The following KIF18B variants were observed in gnomAD, a reference collection of about 807,000 sequenced individuals.
The protein encoded by KIF18B is kinesin-like protein KIF18B.
In KIF18B, 49 loss-of-function variants were observed where a neutral mutation model predicts 80.9. The ratio of observed to expected loss-of-function variants is 0.61; its 90% CI spans 0.48 to 0.77. The LOEUF (loss-of-function observed/expected upper bound fraction) is 0.77. KIF18B is among the 30% of genes least tolerant of loss of function. The probability of loss-of-function intolerance (pLI) is 0.00; values close to 1 mark genes in which losing one functional copy is unlikely to be tolerated. For missense variants in KIF18B, 994 were observed against 1,127.7 expected, an observed-to-expected ratio of 0.88 and a Z score of 1.70; for synonymous variants, 439 against 463.9, an observed-to-expected ratio of 0.95 and a Z score of 0.69.
intron 7 of KIF18B, 98 bp downstream of exon 7, chr17:44,933,825 C>G (rs1407009892): frequency 8.3e-7 from 1 of 1,198,318 alleles, no homozygotes; most frequent in Non-Finnish European, 1.1e-6. Context: ...CTTGGGGACA[C>G]TTGGCCCAGG....
intron 15 of KIF18B, 61 bp from the exon 16 acceptor site, chr17:44,926,247 C>T: frequency 6.2e-7 from 1 of 1,604,046 alleles, no homozygotes; most frequent in East Asian, 2.2e-5. Context: ...ACGCTCTGTC[C>T]CCGTCCTCCA....
intron 1 of KIF18B, among the ~76,000 whole-genome samples, chr17:44,936,869 C>G (rs1433643135): frequency 1.3e-5 from 2 of 151,138 alleles, no homozygotes; most frequent in Admixed American, 6.6e-5. Context: ...GTCTCGAACT[C>G]CTGACCTCAT....
chr17:44,939,379 A>C (rs1036350644), intron 1 of KIF18B, among the ~76,000 whole-genome samples: 4 of 150,194 alleles, frequency 2.7e-5, no homozygotes, highest in Non-Finnish European at 5.9e-5. Context: ...AAAAAAAAAA[A>C]AAAAAAAAAA....
chr17:44,932,993 T>C lies in KIF18B; in HGVS notation c.1063-7A>G, dbSNP rs750201921. ...TGGTCACATTGCTCTTCAGCTGAGA[T>C]GGGGAACAGGAGAGAGATTTATTTG... On this transcript the variant is annotated splice_polypyrimidine_tract_variant and splice_region_variant and intron_variant, in intron 7 of 15. Transcript: ENST00000593135. 1.9e-6 allele frequency: 3 copies of C among 1,603,686 alleles called. No homozygotes were observed. The highest frequency in any genetic ancestry group is 2.6e-6 in the Non-Finnish European group (3 of 1,172,006).
rs576337706 is a variant in KIF18B at position 44,925,012 on chromosome 17, C to T, written c.*1068G>A. On this transcript the variant is annotated 3_prime_UTR_variant, in exon 16 of 16. Transcript: ENST00000593135. ...GGGATGAAGATGTCCCTCTCAGAAA[C>T]CAGGAAGAGCCAAGCCGCGACTCCC... 6.6e-6 allele frequency: 1 copy of T among 152,202 alleles called. No individual in the cohort carries two copies. The highest frequency in any genetic ancestry group is 1.5e-5 in the Non-Finnish European group (1 of 68,020). 9.4% of individuals were successfully genotyped at this position (152,202 alleles called of 1,614,324 possible).
chr17:44,925,965 C>T lies in KIF18B; in HGVS notation c.*115G>A. ...CAAAGGTGTGTTGGCACTAATTGCT[C>T]CCAGGTAAGGAAGGCAGGTCCAGCT... On this transcript the variant is annotated 3_prime_UTR_variant, in exon 16 of 16. Transcript: ENST00000593135. The T allele has an allele frequency of 9.4e-7, 1 of 1,065,968 alleles. No homozygotes were observed. Among genetic ancestry groups the T allele is most frequent in the South Asian group, 1.3e-5 (1 of 75,502 alleles). 66.0% of individuals were successfully genotyped at this position (1,065,968 alleles called of 1,614,324 possible).
chr17:44,938,559 T>C (rs1458420138), intron 1 of KIF18B, among the ~76,000 whole-genome samples: 2 of 152,232 alleles, frequency 1.3e-5, no homozygotes, highest in Non-Finnish European at 2.9e-5. Flanking sequence ...CTATCTAATA[T>C]TTTTTCTTTC....
At chr17:44,937,529 C>A (rs2052333844) in intron 1 of KIF18B, among the ~76,000 whole-genome samples, 1 of 152,174 alleles carries the variant, frequency 6.6e-6, no homozygotes, top group South Asian at 2.1e-4. Flanking sequence ...GGATGGAACA[C>A]TTTTCCCCAT....
At position 44,936,364 on chromosome 17, in the gene KIF18B, T is replaced by G; in HGVS notation, c.-14-6A>C. The G allele has an allele frequency of 5.0e-6, 8 of 1,586,098 alleles. No individual in the cohort carries two copies. The highest frequency in any genetic ancestry group is 6.0e-6 in the Non-Finnish European group (7 of 1,167,964). ...TGCCATCACTGTGGTGACACCTGGGTGAGACATGGTGGAGCTGAGGACCAA... is the reference window on the plus strand; with the variant it reads ...TGCCATCACTGTGGTGACACCTGGGGGAGACATGGTGGAGCTGAGGACCAA... On this transcript the variant is annotated splice_polypyrimidine_tract_variant and splice_region_variant and intron_variant, in intron 1 of 15. Transcript: ENST00000593135.
chr17:44,931,660 G>A lies in KIF18B; in HGVS notation c.1459C>T (p.Pro487Ser). 6.2e-7 allele frequency: 1 copy of A among 1,614,006 alleles called. No homozygotes were observed. Among genetic ancestry groups the A allele is most frequent in the Non-Finnish European group, 8.5e-7 (1 of 1,179,904 alleles). Residue 487 changes from proline to serine, a missense_variant, in exon 11 of 16, where the codon CCC becomes TCC. Coordinates refer to ENST00000593135, the MANE Select transcript of KIF18B (RefSeq NM_001265577.2). ...LPESPRLTLQ[P>S]KPVVGHFSAR... ...GAGAAGTGGCCCACGACTGGCTTGG[G>A]CTGCAGGGTCAGGCGAGGGGACTCT...
intron 12 of KIF18B, 104 bp downstream of exon 12, chr17:44,928,715 G>A (rs2052084106): frequency 7.1e-7 from 1 of 1,408,706 alleles, no homozygotes; most frequent in African/African-American, 1.4e-5. Flanking sequence ...GCCTCCTACA[G>A]CAGCAAAACC....
At position 44,928,143 on chromosome 17, in the gene KIF18B, A is replaced by G. The variant is rs1159742652; in HGVS notation, c.2159T>C (p.Leu720Pro). The change falls in exon 13 of 16, where the codon CTC (leucine) becomes CCC (proline). Residue 720 changes from leucine (L) to proline (P), a missense_variant. Leu to Pro is a moderately conservative substitution (Grantham distance 98). Coordinates refer to ENST00000593135, the MANE Select transcript of KIF18B (RefSeq NM_001265577.2). Reference protein sequence around the residue: ...STPLALPTRDLNATFDLSEEP... With the variant: ...STPLALPTRDPNATFDLSEEP... ...CTCAGAGAGATCAAAGGTGGCATTG[A>G]GGTCTCGAGTGGGCAGAGCCAGCGG... The G allele has an allele frequency of 3.7e-6, 6 of 1,606,480 alleles. No homozygotes were observed. The highest frequency in any genetic ancestry group is 5.1e-6 in the Non-Finnish European group (6 of 1,176,390).
At chr17:44,943,807 G>A (rs966992883) in intron 1 of KIF18B, among the ~76,000 whole-genome samples, 8 of 151,962 alleles carry the variant, frequency 5.3e-5, no homozygotes, top group South Asian at 4.1e-4. Context: ...TCCTGGGCTC[G>A]AGCCATCTTC....
chr17:44,943,732 A>G (rs989853601), intron 1 of KIF18B, among the ~76,000 whole-genome samples: 1 of 151,962 alleles, frequency 6.6e-6, no homozygotes, highest in Non-Finnish European at 1.5e-5. Flanking sequence ...TTTTTAGACC[A>G]GGTCTCATGT....
At position 44,935,264 on chromosome 17, in the gene KIF18B, G is replaced by C; in HGVS notation, c.466C>G (p.Gln156Glu). 6.2e-7 allele frequency: 1 copy of C among 1,604,386 alleles called. No individual in the cohort carries two copies. The highest frequency in any genetic ancestry group is 8.5e-7 in the Non-Finnish European group (1 of 1,174,378). Residue 156 changes from glutamine to glutamate, a missense_variant, in exon 3 of 16, where the codon CAG (glutamine) becomes GAG (glutamate). Physicochemically the swap from Gln to Glu is conservative, Grantham distance 29. Coordinates refer to ENST00000593135, the MANE Select transcript of KIF18B (RefSeq NM_001265577.2). Reference sequence around the variant, plus strand: ...CCAGGGCAGGGGCAGCCGACCTCCTGGTAGCTGATGAGCACCTCGAAGTGC... The same window carrying C: ...CCAGGGCAGGGGCAGCCGACCTCCTCGTAGCTGATGAGCACCTCGAAGTGC... ...EKHFEVLISY[Q>E]EVYNEQIHDL... is the part of the protein sequence containing the mutation.
At position 44,925,047 on chromosome 17, in the gene KIF18B, A is replaced by G. The variant is rs1214817227; in HGVS notation, c.*1033T>C. The G allele has an allele frequency of 2.0e-5, 3 of 151,980 alleles. No individual in the cohort carries two copies. Among genetic ancestry groups the G allele is most frequent in the Non-Finnish European group, 2.9e-5 (2 of 68,018 alleles). The allele number at this position is 151,980 out of a possible 1,614,324, so 9.4% of individuals were successfully genotyped here. A position where few individuals can be genotyped will look rare whatever the true frequency, so the allele number is the denominator to read the frequency against. On this transcript the variant is annotated 3_prime_UTR_variant, in exon 16 of 16. Transcript: ENST00000593135. Reference sequence around the variant, plus strand: ...CCAAGCCGCGACTCCCCGCTCCCCAACCCATCCTCATTCCTCCTCTACTGC... The same window carrying G: ...CCAAGCCGCGACTCCCCGCTCCCCAGCCCATCCTCATTCCTCCTCTACTGC...
chr17:44,940,170 A>G (rs1053710585), intron 1 of KIF18B, among the ~76,000 whole-genome samples: 4 of 152,226 alleles, frequency 2.6e-5, no homozygotes, highest in African/African-American at 9.6e-5. Context: ...ATCTGGCCAC[A>G]TTGCTGAACT....
At chr17:44,943,340 T>C (rs1174459401) in intron 1 of KIF18B, among the ~76,000 whole-genome samples, 3 of 152,110 alleles carry the variant, frequency 2.0e-5, no homozygotes, top group African/African-American at 7.2e-5. Flanking sequence ...GACTTTGTGA[T>C]CCACCCGCCT....
chr17:44,945,898 C>G (rs1006760862), intron 1 of KIF18B, among the ~76,000 whole-genome samples: 1 of 123,990 alleles, frequency 8.1e-6, no homozygotes, highest in Admixed American at 9.5e-5. Flanking sequence ...GAGGGAAATT[C>G]TGTCTCAGAA....
Sources: allele counts gnomAD v4.1 joint callset (sites outside exome capture counted in the v4.1 genomes callset), GRCh38; gene constraint gnomAD v4.1.1; transcripts MANE v1.5; gene names NCBI Gene and HGNC (gene_info 2026-07-23, HGNC 2026-07-21).